LRP1B: variants seen among roughly 807,000 people sequenced by gnomAD.
The protein encoded by LRP1B is low-density lipoprotein receptor-related protein 1B.
In LRP1B, 217 loss-of-function variants were observed where a neutral mutation model predicts 556.6. That is an observed-to-expected ratio of 0.39 (90% CI 0.35 to 0.44). The LOEUF (loss-of-function observed/expected upper bound fraction) is 0.44. LRP1B is among the 20% of genes least tolerant of loss of function. The pLI is 1.00. For missense variants in LRP1B, 5,053 were observed against 5,620.8 expected (o/e 0.90, Z 3.23); for synonymous variants, 2,047 against 1,865.8 (o/e 1.10, Z -2.50).
At chr2:140,704,176 G>A (rs1474447665) in intron 37 of LRP1B, among the ~76,000 whole-genome samples, 2 of 152,028 alleles carry the variant, frequency 1.3e-5, no homozygotes. Flanking sequence ...AATAATATAT[G>A]TGAATAGTCA....
intron 41 of LRP1B, among the ~76,000 whole-genome samples, chr2:140,650,018 A>G (rs1684619270): frequency 6.6e-6 from 1 of 152,160 alleles, no homozygotes; most frequent in Non-Finnish European, 1.5e-5. Flanking sequence ...AATTTTCTCT[A>G]TTTTGAGAAA....
intron 6 of LRP1B, among the ~76,000 whole-genome samples, chr2:141,204,428 A>G (rs1275214380): frequency 6.6e-6 from 1 of 150,524 alleles, no homozygotes; most frequent in Admixed American, 6.6e-5. Flanking sequence ...TGGTCCTGCA[A>G]TGGCCAGTTT....
chr2:141,582,470 T>C (rs1686983036), intron 2 of LRP1B, among the ~76,000 whole-genome samples: 2 of 152,334 alleles, frequency 1.3e-5, no homozygotes, highest in East Asian at 1.9e-4. Context: ...AGATAGTGTC[T>C]GTAGATTGAT....
chr2:141,513,883 T>C (rs1684214126), intron 2 of LRP1B, among the ~76,000 whole-genome samples: 1 of 152,126 alleles, frequency 6.6e-6, no homozygotes, highest in South Asian at 2.1e-4. Flanking sequence ...CCATTTTACA[T>C]CTCCCCAAAA....
intron 67 of LRP1B, among the ~76,000 whole-genome samples, chr2:140,384,371 C>G (rs962288584): frequency 2.0e-5 from 3 of 152,122 alleles, no homozygotes; most frequent in African/African-American, 7.2e-5. Flanking sequence ...TCCCTACCAG[C>G]TCCACCCCGT....
At chr2:140,735,001 C>T (rs540201185) in intron 35 of LRP1B, among the ~76,000 whole-genome samples, 1 of 152,278 alleles carries the variant, frequency 6.6e-6, no homozygotes, top group South Asian at 2.1e-4. Context: ...CATATCTAAT[C>T]CTGTCTTGAC....
At chr2:142,004,449 C>T (rs528233661) in intron 1 of LRP1B, among the ~76,000 whole-genome samples, 3 of 151,732 alleles carry the variant, frequency 2.0e-5, no homozygotes, top group Non-Finnish European at 4.4e-5. Flanking sequence ...ATATAAAATA[C>T]AATATATACT....
chr2:141,060,958 CT>C (rs1699317861), intron 8 of LRP1B, among the ~76,000 whole-genome samples: 1 of 151,726 alleles, frequency 6.6e-6, no homozygotes, highest in African/African-American at 2.4e-5. Context: ...GCTTTCAAAA[CT>C]TTTTAAAGTA....
At chr2:140,242,098 T>C (rs1234764412) in intron 87 of LRP1B, among the ~76,000 whole-genome samples, 1 of 151,082 alleles carries the variant, frequency 6.6e-6, no homozygotes. Context: ...AGCATAGCAG[T>C]TGAGATAATG....
chr2:141,911,557 T>C (rs549023905), intron 1 of LRP1B, among the ~76,000 whole-genome samples: 2 of 152,262 alleles, frequency 1.3e-5, no homozygotes, highest in South Asian at 4.1e-4. Flanking sequence ...GTCAGTAGCA[T>C]CCTTCTGTCT....
At chr2:141,746,735 C>T (rs937971301) in intron 2 of LRP1B, among the ~76,000 whole-genome samples, 1 of 152,064 alleles carries the variant, frequency 6.6e-6, no homozygotes, top group Admixed American at 6.6e-5. Context: ...GCTCCACCCC[C>T]ATTTTGAATT....
In LRP1B at chr2:142,049,005, A is replaced by G. The variant is rs543358092; in HGVS notation, c.82+81643T>C. On this transcript the variant is annotated intron_variant, in intron 1 of 90. Coordinates refer to ENST00000389484, the MANE Select transcript of LRP1B (RefSeq NM_018557.3). ...ATTTGTTTAAATCAATAGTTTCTAA[A>G]TGTCTCAAAGCATTGGACAATTTTA... is the stretch of plus-strand genomic sequence containing the variant. Among the ~76,000 whole-genome samples, 16 of 152,206 alleles carry G rather than the reference A, an allele frequency of 1.1e-4. No individual in the cohort carries two copies. In the East Asian group the frequency reaches 2.3e-3, roughly 22 times the overall value.
At position 141,166,730 on chromosome 2, in the gene LRP1B, T is replaced by G. The variant is rs142759179; in HGVS notation, c.1013+21691A>C. Among the ~76,000 whole-genome samples, 248 of 152,088 alleles carry G rather than the reference T, an allele frequency of 1.6e-3. 2 individuals carry two copies. Among genetic ancestry groups the G allele is most frequent in the Admixed American group, 0.011 (167 of 15,228 alleles). On this transcript the variant is annotated intron_variant, in intron 7 of 90. Coordinates refer to ENST00000389484, the MANE Select transcript of LRP1B (RefSeq NM_018557.3). ...CATATTGTTTATATTCACAGAGCAT[T>G]GTCATAATTTGTATGTGCAGTTGTC...
At chr2:140,544,155 G>T (rs374393180) in intron 43 of LRP1B, among the ~76,000 whole-genome samples, 1 of 52,380 alleles carries the variant, frequency 1.9e-5, no homozygotes, top group Non-Finnish European at 5.6e-5. Context: ...GGGTATATGT[G>T]CAGGTTTGTT....
chr2:140,383,571 T>C lies in LRP1B; in HGVS notation c.10531+2322A>G, dbSNP rs534339010. Reference sequence around the variant, plus strand: ...AATAGTATCTTCAAGCCCTATTCAATTATCTAGATCCCTGGATCCATCCTC... The same window carrying C: ...AATAGTATCTTCAAGCCCTATTCAACTATCTAGATCCCTGGATCCATCCTC... On this transcript the variant is annotated intron_variant, in intron 67 of 90. Coordinates refer to ENST00000389484, the MANE Select transcript of LRP1B (RefSeq NM_018557.3). Among the ~76,000 whole-genome samples, 4 of 152,228 alleles carry C rather than the reference T, an allele frequency of 2.6e-5. No individual in the cohort carries two copies. The South Asian group carries it at 8.3e-4, about 32-fold the overall frequency.
intron 1 of LRP1B, among the ~76,000 whole-genome samples, chr2:141,820,981 G>A (rs765573870): frequency 2.0e-5 from 3 of 152,176 alleles, no homozygotes; most frequent in South Asian, 4.1e-4. Flanking sequence ...ATCCTAGTGG[G>A]CCCAATATCA....
chr2:140,514,624 T>C, intron 51 of LRP1B, 29 bp downstream of exon 51: 1 of 1,586,148 alleles, frequency 6.3e-7, no homozygotes, highest in Non-Finnish European at 8.6e-7. Flanking sequence ...GCTTAAAAAC[T>C]GATTGAGGAC....
rs527873477 is a variant in LRP1B, at chr2:140,958,928, C to G, written c.2888-6988G>C. 7.7e-4 allele frequency among the ~76,000 whole-genome samples: 117 copies of G among 151,498 alleles called. 1 individual carries two copies. Among genetic ancestry groups the G allele is most frequent in the Admixed American group, 1.9e-3 (29 of 15,200 alleles). On this transcript the variant is annotated intron_variant, in intron 18 of 90. Transcript: ENST00000389484. ...GAGGGTTAGGTAGAGACAGAGGAAC[C>G]AGAAAAATATAAGAGGGAAATCAAG...
chr2:142,127,106 T>A (rs886598071), intron 1 of LRP1B, among the ~76,000 whole-genome samples: 1 of 151,914 alleles, frequency 6.6e-6, no homozygotes, highest in Non-Finnish European at 1.5e-5. Flanking sequence ...CTTACATTTT[T>A]AAAAAATCAC....
Sources: allele counts gnomAD v4.1 joint callset (sites outside exome capture counted in the v4.1 genomes callset), GRCh38; gene constraint gnomAD v4.1.1; transcripts MANE v1.5; gene names NCBI Gene and HGNC (gene_info 2026-07-23, HGNC 2026-07-21).